The following MAMDC2 variants were observed in gnomAD, a reference collection of about 807,000 sequenced individuals.
MAMDC2 encodes MAM domain-containing protein 2.
In MAMDC2, 57 loss-of-function variants were observed where a neutral mutation model predicts 89.8. The ratio of observed to expected loss-of-function variants is 0.63; its 90% CI spans 0.51 to 0.79. The LOEUF is 0.79. Ranked by LOEUF, MAMDC2 falls within the 30% of genes least tolerant of loss-of-function variation. MAMDC2 has a pLI of 0.00. For synonymous variants in MAMDC2, 313 were observed against 293.4 expected (o/e 1.07, Z -0.68); for missense variants, 800 against 820.6 (o/e 0.97, Z 0.31).
At chr9:70,182,050 A>G (rs1223069012) in intron 11 of MAMDC2, among the ~76,000 whole-genome samples, 1 of 152,188 alleles carries the variant, frequency 6.6e-6, no homozygotes, top group Admixed American at 6.5e-5. Context: ...GTTTATTGAG[A>G]GTTTTTAGCA....
At chr9:70,130,002 G>A (rs2030723526) in intron 6 of MAMDC2, among the ~76,000 whole-genome samples, 1 of 115,486 alleles carries the variant, frequency 8.7e-6, no homozygotes, top group African/African-American at 3.3e-5. Flanking sequence ...ATTTTCACAT[G>A]GCATTCTGTG....
intron 2 of MAMDC2, among the ~76,000 whole-genome samples, chr9:70,056,302 G>A (rs1827023690): frequency 6.6e-6 from 1 of 152,192 alleles, no homozygotes; most frequent in African/African-American, 2.4e-5. Flanking sequence ...CGTGAAGTAT[G>A]TTTTGATCCT....
intron 2 of MAMDC2, among the ~76,000 whole-genome samples, chr9:70,084,191 C>A (rs1034130413): frequency 6.6e-6 from 1 of 152,052 alleles, no homozygotes; most frequent in Non-Finnish European, 1.5e-5. Context: ...ACCCTTAAAT[C>A]TCTCACTCAG....
chr9:70,217,433 G>A (rs1587581027), intron 11 of MAMDC2: 4 of 1,325,238 alleles, frequency 3.0e-6, no homozygotes, highest in Non-Finnish European at 4.4e-6. Context: ...AAATTCCAGA[G>A]GGCCATTACT....
intron 2 of MAMDC2, among the ~76,000 whole-genome samples, chr9:70,106,355 C>T (rs1421349413): frequency 6.7e-6 from 1 of 149,756 alleles, no homozygotes; most frequent in African/African-American, 2.6e-5. Context: ...CTCTTTTATA[C>T]TCCATGTCCA....
chr9:70,193,583 C>T (rs185923194), intron 11 of MAMDC2, among the ~76,000 whole-genome samples: 5 of 144,260 alleles, frequency 3.5e-5, no homozygotes, highest in Non-Finnish European at 6.0e-5. Flanking sequence ...TTAGTCCTAA[C>T]AACCTTTTCT....
intron 11 of MAMDC2, among the ~76,000 whole-genome samples, chr9:70,203,069 T>C (rs1199183143): frequency 5.9e-5 from 9 of 152,108 alleles, no homozygotes; most frequent in South Asian, 2.1e-4. Context: ...AAAGTTAATA[T>C]TGTTATGTGT....
chr9:70,046,502 G>C (rs1826756022), intron 2 of MAMDC2, among the ~76,000 whole-genome samples: 1 of 152,156 alleles, frequency 6.6e-6, no homozygotes, highest in Non-Finnish European at 1.5e-5. Context: ...CTGAGTTCCT[G>C]CCTCCGGCCC....
intron 11 of MAMDC2, among the ~76,000 whole-genome samples, chr9:70,216,717 T>G (rs1336037960): frequency 1.3e-5 from 2 of 152,256 alleles, no homozygotes; most frequent in Admixed American, 6.5e-5. Context: ...CAAAGGTTAA[T>G]ACCTACTAGT....
chr9:70,051,882 TAGATAG>T (rs1157066017), intron 2 of MAMDC2, among the ~76,000 whole-genome samples: 1 of 121,764 alleles, frequency 8.2e-6, no homozygotes, highest in African/African-American at 3.0e-5. Context: ...CCTATCTAGA[TAGATAG>T]AGATAGATAG....
intron 11 of MAMDC2, among the ~76,000 whole-genome samples, chr9:70,184,938 T>G (rs1788748565): frequency 6.6e-6 from 1 of 152,182 alleles, no homozygotes; most frequent in African/African-American, 2.4e-5. Context: ...AGAGTTCTGA[T>G]CATTTAGAGA....
chr9:70,131,279 G>T (rs1055610606), intron 6 of MAMDC2, among the ~76,000 whole-genome samples: 1 of 152,142 alleles, frequency 6.6e-6, no homozygotes, highest in Non-Finnish European at 1.5e-5. Context: ...GTCAACGTAT[G>T]ACTTTTGAGA....
rs549985997 is a variant in MAMDC2 at position 70,150,521 on chromosome 9, T to G, written c.1404+6702T>G. The stretch of plus-strand genomic sequence containing the variant: ...ACCTGGGTCAGAACAAGGCACAAGC[T>G]GGCTGTTTATCAAGTACCTACTTTG... On this transcript the variant is annotated intron_variant, in intron 9 of 13. Coordinates refer to ENST00000377182, the MANE Select transcript of MAMDC2 (RefSeq NM_153267.5). Among the ~76,000 whole-genome samples, 11 of 152,330 alleles carry G rather than the reference T, an allele frequency of 7.2e-5. No homozygotes were observed. In the South Asian group the frequency reaches 1.5e-3, roughly 20 times the overall value.
In MAMDC2 at chr9:70,221,380, T is replaced by TATAG; in HGVS notation, c.1911+2785_1911+2786insTAGA. Among the ~76,000 whole-genome samples, 17 of 7,042 alleles carry TATAG rather than the reference T, an allele frequency of 2.4e-3. 1 individual carries two copies. Among genetic ancestry groups the TATAG allele is most frequent in the East Asian group, 9.8e-3 (1 of 102 alleles). 4.6% of individuals were successfully genotyped at this position (7,042 alleles called of 152,430 possible). A position where few individuals can be genotyped will look rare whatever the true frequency, so the allele number is the denominator to read the frequency against. On this transcript the variant is annotated intron_variant, in intron 12 of 13. Coordinates refer to ENST00000377182, the MANE Select transcript of MAMDC2 (RefSeq NM_153267.5). ...AAATATATATATATATATATATATATAGAGAGAGAGAGAGAGAGAGAGAGA... is the reference window on the plus strand; with the variant it reads ...AAATATATATATATATATATATATATATAGAGAGAGAGAGAGAGAGAGAGAGAGA...
At chr9:70,091,321 C>G (rs1563949244) in intron 2 of MAMDC2, among the ~76,000 whole-genome samples, 2 of 152,112 alleles carry the variant, frequency 1.3e-5, no homozygotes, top group Non-Finnish European at 2.9e-5. Context: ...AGGTCACAGG[C>G]CAAGAGCTGG....
At chr9:70,073,775 C>A (rs1326337242) in intron 2 of MAMDC2, among the ~76,000 whole-genome samples, 1 of 152,166 alleles carries the variant, frequency 6.6e-6, no homozygotes, top group Non-Finnish European at 1.5e-5. Flanking sequence ...CTCTCCTGGC[C>A]TGGCCACAAG....
intron 2 of MAMDC2, among the ~76,000 whole-genome samples, chr9:70,105,312 G>T (rs926827989): frequency 1.3e-5 from 2 of 152,176 alleles, no homozygotes; most frequent in African/African-American, 4.8e-5. Flanking sequence ...GTGGTTACAT[G>T]CAGCACTATG....
chr9:70,176,820 T>G (rs758433883), intron 11 of MAMDC2, among the ~76,000 whole-genome samples: 1 of 152,192 alleles, frequency 6.6e-6, no homozygotes, highest in Non-Finnish European at 1.5e-5. Flanking sequence ...TGAAATTACT[T>G]TAATAACTAA....
intron 2 of MAMDC2, among the ~76,000 whole-genome samples, chr9:70,087,886 C>T (rs759702355): frequency 6.6e-6 from 1 of 152,124 alleles, no homozygotes; most frequent in Non-Finnish European, 1.5e-5. Flanking sequence ...TTCTGTAGGT[C>T]CCCAAACTGC....
Sources: allele counts gnomAD v4.1 joint callset (sites outside exome capture counted in the v4.1 genomes callset), GRCh38; gene constraint gnomAD v4.1.1; transcripts MANE v1.5; gene names NCBI Gene and HGNC (gene_info 2026-07-23, HGNC 2026-07-21).